The following CADM2 variants were observed in gnomAD, a reference collection of about 807,000 sequenced individuals.
CADM2 encodes immunoglobulin superfamily member 4D.
In CADM2, 12 loss-of-function variants were observed where a neutral mutation model predicts 49.8. That is an observed-to-expected ratio of 0.24 (90% confidence interval 0.15 to 0.39). The LOEUF (loss-of-function observed/expected upper bound fraction) is 0.39, where lower values mean the gene tolerates loss of function less well. Ranked by LOEUF, CADM2 falls within the 10% of genes least tolerant of loss-of-function variation. The pLI, the probability that CADM2 is intolerant of heterozygous loss-of-function variation, is 1.00. For synonymous variants in CADM2, 214 were observed against 175.4 expected, an observed-to-expected ratio of 1.22 and a Z score of -1.74; for missense variants, 378 against 492.3, an observed-to-expected ratio of 0.77 and a Z score of 2.20.
intron 1 of CADM2, among the ~76,000 whole-genome samples, chr3:85,053,936 G>T (rs1289862710): frequency 6.6e-6 from 1 of 151,870 alleles, no homozygotes; most frequent in African/African-American, 2.4e-5. Flanking sequence ...ACAGATTCCT[G>T]TAGTCCTCAT....
At chr3:85,941,881 C>CATA (rs1307590585) in intron 7 of CADM2, among the ~76,000 whole-genome samples, 2 of 152,004 alleles carry the variant, frequency 1.3e-5, no homozygotes, top group East Asian at 3.9e-4. Context: ...CATAGTTTTT[C>CATA]ATAATTTTCT....
intron 1 of CADM2, among the ~76,000 whole-genome samples, chr3:85,237,623 G>A (rs1371368323): frequency 2.6e-5 from 4 of 151,412 alleles, no homozygotes; most frequent in Admixed American, 6.6e-5. Context: ...TGTATGGATA[G>A]TACAAAAATT....
chr3:85,650,481 T>A (rs2065012615), intron 1 of CADM2, among the ~76,000 whole-genome samples: 1 of 147,846 alleles, frequency 6.8e-6, no homozygotes, highest in African/African-American at 2.5e-5. Context: ...GGTGTTTGTA[T>A]ACAGATATTA....
intron 1 of CADM2, among the ~76,000 whole-genome samples, chr3:85,431,839 C>A (rs2036680251): frequency 2.8e-5 from 1 of 35,312 alleles, no homozygotes; most frequent in Non-Finnish European, 7.5e-5. Context: ...AATTTGAACA[C>A]CATGGTCTTA....
intron 3 of CADM2, among the ~76,000 whole-genome samples, chr3:85,865,764 C>T (rs1228136612): frequency 1.3e-5 from 2 of 152,062 alleles, no homozygotes; most frequent in Non-Finnish European, 2.9e-5. Context: ...GATAAATGCA[C>T]GATACTACTT....
chr3:85,370,463 T>TA (rs1312629748), intron 1 of CADM2, among the ~76,000 whole-genome samples: 1 of 151,580 alleles, frequency 6.6e-6, no homozygotes, highest in Non-Finnish European at 1.5e-5. Flanking sequence ...ATAATGGAGC[T>TA]AAAAAATTCC....
intron 3 of CADM2, among the ~76,000 whole-genome samples, chr3:85,852,329 T>C (rs1020734736): frequency 1.3e-5 from 2 of 152,094 alleles, no homozygotes; most frequent in South Asian, 2.1e-4. Context: ...TTAGAGACTT[T>C]AATGAGATGT....
At chr3:85,461,786 T>A (rs988881307) in intron 1 of CADM2, among the ~76,000 whole-genome samples, 1 of 152,190 alleles carries the variant, frequency 6.6e-6, no homozygotes, top group Non-Finnish European at 1.5e-5. Context: ...ACAGAAAAAC[T>A]ATTAAATGTC....
intron 1 of CADM2, among the ~76,000 whole-genome samples, chr3:85,180,867 AG>A (rs1445790504): frequency 6.6e-6 from 1 of 152,182 alleles, no homozygotes; most frequent in African/African-American, 2.4e-5. Flanking sequence ...TCCACAAAAA[AG>A]TTTTGGCTGA....
intron 1 of CADM2, among the ~76,000 whole-genome samples, chr3:85,442,059 A>G (rs1017435099): frequency 2.6e-5 from 4 of 152,050 alleles, no homozygotes; most frequent in African/African-American, 4.8e-5. Context: ...ACCAGAGAAG[A>G]CATGTTGAAA....
At chr3:85,819,307 T>A (rs2073406974) in intron 3 of CADM2, among the ~76,000 whole-genome samples, 2 of 152,112 alleles carry the variant, frequency 1.3e-5, no homozygotes, top group Admixed American at 6.6e-5. Context: ...CCCAGTCCAC[T>A]GACTCAAAGG....
intron 1 of CADM2, among the ~76,000 whole-genome samples, chr3:85,343,609 A>T (rs923717561): frequency 2.6e-5 from 4 of 152,248 alleles, no homozygotes; most frequent in African/African-American, 9.6e-5. Flanking sequence ...ATTCTGCTTC[A>T]GGTTCATGCT....
At chr3:84,997,387 T>G (rs2107200652) in intron 1 of CADM2, among the ~76,000 whole-genome samples, 1 of 152,184 alleles carries the variant, frequency 6.6e-6, no homozygotes, top group African/African-American at 2.4e-5. Context: ...TCCACTAGTT[T>G]ATGTATTACT....
At chr3:85,753,392 GA>G (rs1055033450) in intron 2 of CADM2, among the ~76,000 whole-genome samples, 1 of 151,708 alleles carries the variant, frequency 6.6e-6, no homozygotes, top group Non-Finnish European at 1.5e-5. Context: ...GTAGAAACAG[GA>G]AAAAAAATGT....
intron 1 of CADM2, among the ~76,000 whole-genome samples, chr3:85,334,484 A>C (rs2045023368): frequency 6.6e-6 from 1 of 151,610 alleles, no homozygotes; most frequent in African/African-American, 2.4e-5. Context: ...AGAGTGTAAT[A>C]GTGCCTCTGG....
chr3:85,005,947 A>G (rs1271511835), intron 1 of CADM2, among the ~76,000 whole-genome samples: 1 of 152,142 alleles, frequency 6.6e-6, no homozygotes, highest in Non-Finnish European at 1.5e-5. Context: ...GGAGTCTAAT[A>G]TTAATTCTAA....
At position 85,229,828 on chromosome 3, in the gene CADM2, G is replaced by A. The variant is rs148954872; in HGVS notation, c.61+270160G>A. Among the ~76,000 whole-genome samples, 846 of 152,206 alleles carry A rather than the reference G, an allele frequency of 5.6e-3. 5 individuals are homozygous for A. The highest frequency in any genetic ancestry group is 0.019 in the African/African-American group (787 of 41,526). ...TGTCTTCATAGCCTTTCTTGGCTCC[G>A]TTTGTCAGGTTTTTTGTTTAACATT... On this transcript the variant is annotated intron_variant, in intron 1 of 9. Coordinates refer to ENST00000383699, the MANE Select transcript of CADM2 (RefSeq NM_001167675.2).
intron 1 of CADM2, among the ~76,000 whole-genome samples, chr3:85,370,865 A>G (rs568588521): frequency 6.6e-6 from 1 of 152,270 alleles, no homozygotes; most frequent in East Asian, 1.9e-4. Context: ...AGTGATGCTG[A>G]TGATGTCGAC....
At chr3:85,910,003 G>A (rs1409713526) in intron 5 of CADM2, among the ~76,000 whole-genome samples, 8 of 152,038 alleles carry the variant, frequency 5.3e-5, no homozygotes, top group African/African-American at 9.7e-5. Flanking sequence ...CACATAAGCC[G>A]ATATTAAAAT....
Sources: allele counts gnomAD v4.1 joint callset (sites outside exome capture counted in the v4.1 genomes callset), GRCh38; gene constraint gnomAD v4.1.1; transcripts MANE v1.5; gene names NCBI Gene and HGNC (gene_info 2026-07-23, HGNC 2026-07-21).